The following FBXW7 variants were observed in gnomAD, a reference collection of about 807,000 sequenced individuals.
FBXW7 encodes F-box/WD repeat-containing protein 7.
A neutral mutation model predicts 86.3 loss-of-function variants in FBXW7; 11 were observed. The observed-to-expected ratio is 0.13, with a 90% CI of 0.08 to 0.21. The LOEUF (loss-of-function observed/expected upper bound fraction) is 0.21, where lower values mean the gene tolerates loss of function less well. Among genes scored for constraint, FBXW7 ranks in the 10% least tolerant of loss-of-function variants. The probability of loss-of-function intolerance (pLI) is 1.00; values close to 1 mark genes in which losing one functional copy is unlikely to be tolerated. For synonymous variants in FBXW7, 313 were observed against 297.9 expected (o/e 1.05, Z -0.52); for missense variants, 488 against 847.4 (o/e 0.58, Z 5.27).
intron 2 of FBXW7, among the ~76,000 whole-genome samples, chr4:152,472,296 T>C (rs1744034933): frequency 2.0e-5 from 3 of 152,162 alleles, no homozygotes; most frequent in African/African-American, 7.2e-5. Flanking sequence ...CCCCTGAGCA[T>C]ACACTCAATG....
At chr4:152,492,297 T>C (rs1745933871) in intron 2 of FBXW7, among the ~76,000 whole-genome samples, 1 of 152,226 alleles carries the variant, frequency 6.6e-6, no homozygotes, top group Admixed American at 6.5e-5. Context: ...CTATTGACAT[T>C]TGGGCTGCTT....
chr4:152,392,139 T>C (rs988712379), intron 4 of FBXW7, among the ~76,000 whole-genome samples: 1 of 152,164 alleles, frequency 6.6e-6, no homozygotes, highest in South Asian at 2.1e-4. Context: ...TTCTCAAAGG[T>C]AGTCACAACG....
chr4:152,424,962 A>G (rs539217102), intron 2 of FBXW7, among the ~76,000 whole-genome samples: 3 of 152,228 alleles, frequency 2.0e-5, no homozygotes, highest in Admixed American at 2.0e-4. Flanking sequence ...TGAAACACTT[A>G]GGAGTCTTGT....
At chr4:152,340,627 A>G (rs1461104561) in intron 6 of FBXW7, among the ~76,000 whole-genome samples, 1 of 151,770 alleles carries the variant, frequency 6.6e-6, no homozygotes, top group African/African-American at 2.4e-5. Context: ...ACGAGTAGCA[A>G]TAGAAAATGA....
chr4:152,465,129 A>C (rs1743284598), intron 2 of FBXW7, among the ~76,000 whole-genome samples: 1 of 152,158 alleles, frequency 6.6e-6, no homozygotes, highest in Non-Finnish European at 1.5e-5. Flanking sequence ...GCTACCTATT[A>C]TATATGGAAG....
intron 2 of FBXW7, among the ~76,000 whole-genome samples, chr4:152,479,317 T>C (rs1328073986): frequency 2.0e-5 from 3 of 151,968 alleles, no homozygotes; most frequent in Non-Finnish European, 4.4e-5. Flanking sequence ...AAAGTAAAAA[T>C]AAGGTAAGCT....
Position 152,535,593 on chromosome 4 carries a change from G to T in FBXW7, c.-679C>A, listed in dbSNP as rs1750468491. The T allele has an allele frequency of 5.0e-6, 2 of 396,892 alleles. No individual in the cohort carries two copies. Among genetic ancestry groups the T allele is most frequent in the Non-Finnish European group, 4.4e-6 (1 of 224,996 alleles). The allele number at this position is 396,892 out of a possible 1,614,324, so 24.6% of individuals were successfully genotyped here. The stretch of plus-strand genomic sequence containing the variant: ...CGGGTGGCCGAGTCGGCGGCAAGGC[G>T]AGGGACCCGGCCGGCTCCGCTCGGC... On this transcript the variant is annotated 5_prime_UTR_variant, in exon 1 of 14. Coordinates refer to ENST00000281708, the MANE Select transcript of FBXW7 (RefSeq NM_001349798.2).
intron 4 of FBXW7, among the ~76,000 whole-genome samples, chr4:152,407,087 A>T (rs1737485543): frequency 6.6e-6 from 1 of 152,208 alleles, no homozygotes; most frequent in African/African-American, 2.4e-5. Flanking sequence ...TTTATTTTAC[A>T]GATAAAGTAA....
At chr4:152,421,661 C>G (rs905482917) in intron 2 of FBXW7, among the ~76,000 whole-genome samples, 1 of 152,234 alleles carries the variant, frequency 6.6e-6, no homozygotes, top group African/African-American at 2.4e-5. Flanking sequence ...CTTCACTAAT[C>G]ATTTCTAGCT....
chr4:152,514,764 A>G (rs1748311079), intron 2 of FBXW7, among the ~76,000 whole-genome samples: 1 of 152,172 alleles, frequency 6.6e-6, no homozygotes, highest in Non-Finnish European at 1.5e-5. Context: ...CTCACCAGAA[A>G]GCAGATGTTC....
At position 152,503,049 on chromosome 4, in the gene FBXW7, A is replaced by G. The variant is rs890970417; in HGVS notation, c.-120+31892T>C. On this transcript the variant is annotated intron_variant, in intron 2 of 13. Coordinates refer to ENST00000281708, the MANE Select transcript of FBXW7 (RefSeq NM_001349798.2). Reference sequence around the variant, plus strand: ...AAAAGAAAGAAAATCACATTTACATAAAGAGATGGTAAAGAAATTATTTCA... The same window carrying G: ...AAAAGAAAGAAAATCACATTTACATGAAGAGATGGTAAAGAAATTATTTCA... Among the ~76,000 whole-genome samples, 21 of 152,218 alleles carry G rather than the reference A, an allele frequency of 1.4e-4. 1 individual carries two copies. Among genetic ancestry groups the G allele is most frequent in the Non-Finnish European group, 2.5e-4 (17 of 68,026 alleles).
At chr4:152,446,291 GC>G (rs1741380812) in intron 2 of FBXW7, among the ~76,000 whole-genome samples, 1 of 151,850 alleles carries the variant, frequency 6.6e-6, no homozygotes, top group South Asian at 2.1e-4. Flanking sequence ...AGTATTCTTA[GC>G]AAAAACATGT....
rs1728678186 is a variant in FBXW7 at position 152,322,979 on chromosome 4, T to G, written c.2026A>C (p.Arg676=). ...GGSGGVVWRI[R]ASNTKLVCAV... ...CACACCAGCTTTGTGTTTGAGGCTC[T>G]GATCCGCCACACAACTCCCCCACTC... Residue 676 remains arginine (R), a synonymous_variant, in exon 14 of 14, where the codon AGA becomes CGA. Transcript: ENST00000281708. 1 of 1,613,706 alleles carries G rather than the reference T, an allele frequency of 6.2e-7. No individual in the cohort carries two copies. The highest frequency in any genetic ancestry group is 8.5e-7 in the Non-Finnish European group (1 of 1,179,862).
chr4:152,397,275 G>A (rs1736499019), intron 4 of FBXW7, among the ~76,000 whole-genome samples: 1 of 152,038 alleles, frequency 6.6e-6, no homozygotes, highest in Non-Finnish European at 1.5e-5. Flanking sequence ...ATCTAAGGAA[G>A]AAATTAAAAT....
At chr4:152,361,396 T>G (rs1732924093) in intron 4 of FBXW7, among the ~76,000 whole-genome samples, 1 of 152,150 alleles carries the variant, frequency 6.6e-6, no homozygotes, top group Admixed American at 6.6e-5. Context: ...AATCAAGAAT[T>G]CTATGACTAG....
intron 2 of FBXW7, among the ~76,000 whole-genome samples, chr4:152,460,147 C>T (rs897600585): frequency 1.3e-5 from 2 of 152,040 alleles, no homozygotes; most frequent in African/African-American, 4.8e-5. Context: ...CATATTTTAC[C>T]ACATTTTTAA....
intron 6 of FBXW7, among the ~76,000 whole-genome samples, chr4:152,342,934 C>A (rs1196209597): frequency 6.6e-6 from 1 of 152,182 alleles, no homozygotes; most frequent in Non-Finnish European, 1.5e-5. Context: ...TTTTAAATCA[C>A]TGTGTCCCAA....
chr4:152,382,494 C>T, intron 4 of FBXW7: 1 of 1,203,226 alleles, frequency 8.3e-7, no homozygotes, highest in Non-Finnish European at 1.0e-6. Flanking sequence ...CTTCCCCTAC[C>T]AAATGTCCTG....
At chr4:152,379,134 T>C (rs1308669609) in intron 4 of FBXW7, among the ~76,000 whole-genome samples, 2 of 152,162 alleles carry the variant, frequency 1.3e-5, no homozygotes, top group Non-Finnish European at 2.9e-5. Context: ...TGTATCCTTA[T>C]TTCATATATG....
Sources: allele counts gnomAD v4.1 joint callset (sites outside exome capture counted in the v4.1 genomes callset), GRCh38; gene constraint gnomAD v4.1.1; transcripts MANE v1.5; gene names NCBI Gene and HGNC (gene_info 2026-07-23, HGNC 2026-07-21).